The following ASAP1 variants were observed in gnomAD, a reference collection of about 807,000 sequenced individuals.
ASAP1 encodes the protein ArfGAP with SH3 domain, ankyrin repeat and PH domain 1.
Under a neutral mutation model 145.2 loss-of-function variants are expected in ASAP1, and 43 were observed. The ratio of observed to expected loss-of-function variants is 0.30; its 90% CI spans 0.23 to 0.38. The LOEUF (loss-of-function observed/expected upper bound fraction) is 0.38, where lower values mean the gene tolerates loss of function less well. ASAP1 is among the 10% of genes least tolerant of loss of function. ASAP1 has a pLI of 1.00. For synonymous variants in ASAP1, 546 were observed against 515.5 expected (o/e 1.06, Z -0.80); for missense variants, 1,018 against 1,355.3 (o/e 0.75, Z 3.91).
intron 4 of ASAP1, among the ~76,000 whole-genome samples, chr8:130,222,707 A>G (rs1817364100): frequency 6.6e-6 from 1 of 152,236 alleles, no homozygotes; most frequent in Non-Finnish European, 1.5e-5. Context: ...ATTTGCAATC[A>G]CAAGTTTTGA....
intron 3 of ASAP1, among the ~76,000 whole-genome samples, chr8:130,338,878 A>T (rs778855107): frequency 3.3e-5 from 5 of 152,212 alleles, no homozygotes; most frequent in Non-Finnish European, 5.9e-5. Context: ...TTTCCCCCAG[A>T]GCAGCAGTTG....
intron 1 of ASAP1, among the ~76,000 whole-genome samples, chr8:130,432,158 A>T (rs1357703319): frequency 2.2e-5 from 1 of 46,078 alleles, no homozygotes; most frequent in Admixed American, 2.9e-4. Flanking sequence ...AGGCAGGAGG[A>T]GGGGAGGAGG....
intron 13 of ASAP1, among the ~76,000 whole-genome samples, chr8:130,148,735 ATAC>A (rs1382781730): frequency 6.6e-6 from 1 of 152,264 alleles, no homozygotes; most frequent in African/African-American, 2.4e-5. Flanking sequence ...ATATTTATTT[ATAC>A]TACAATACTT....
intron 3 of ASAP1, among the ~76,000 whole-genome samples, chr8:130,350,649 C>T (rs983303280): frequency 5.3e-5 from 8 of 152,218 alleles, no homozygotes; most frequent in African/African-American, 1.9e-4. Flanking sequence ...AATTTTTCCA[C>T]AAAGTGGCTA....
intron 6 of ASAP1, 97 bp downstream of exon 6, chr8:130,188,012 G>A: frequency 1.2e-6 from 1 of 865,372 alleles, no homozygotes; most frequent in Admixed American, 2.2e-5. Context: ...AATGTTCAAA[G>A]AGTCTTTCAA....
chr8:130,254,323 C>T (rs1203615533), intron 3 of ASAP1, among the ~76,000 whole-genome samples: 2 of 152,074 alleles, frequency 1.3e-5, no homozygotes, highest in African/African-American at 2.4e-5. Context: ...TTAAAATTCA[C>T]GGCACTTAAA....
intron 27 of ASAP1, among the ~76,000 whole-genome samples, chr8:130,072,787 A>G (rs2097449848): frequency 2.8e-5 from 1 of 35,990 alleles, no homozygotes. Context: ...TGGACTTGCA[A>G]TTGATATGTG....
At chr8:130,077,714 A>G (rs2097466579) in intron 26 of ASAP1, among the ~76,000 whole-genome samples, 1 of 152,026 alleles carries the variant, frequency 6.6e-6, no homozygotes, top group African/African-American at 2.4e-5. Context: ...AACAAAACAA[A>G]AAGTAGTCAA....
chr8:130,100,492 G>A (rs2097526894), intron 24 of ASAP1, among the ~76,000 whole-genome samples: 1 of 152,010 alleles, frequency 6.6e-6, no homozygotes, highest in Admixed American at 6.5e-5. Context: ...ACCACACCCA[G>A]CTAATTTTGT....
rs1036511119 is a variant in ASAP1 at position 130,377,740 on chromosome 8, T to C, written c.60-19597A>G. Among the ~76,000 whole-genome samples the C allele has an allele frequency of 1.4e-4, 21 of 151,886 alleles. 1 individual carries two copies. In the East Asian group the frequency reaches 2.9e-3, roughly 21 times the overall value. On this transcript the variant is annotated intron_variant, in intron 2 of 29. Transcript: ENST00000518721. ...CCAGCAGAAAGTCAGAGGAGGGGAG[T>C]GCTCCCCTGCTCTCCAGGCTCCAGC...
intron 13 of ASAP1, among the ~76,000 whole-genome samples, chr8:130,149,668 A>G (rs911345354): frequency 1.3e-5 from 2 of 152,236 alleles, no homozygotes; most frequent in Non-Finnish European, 2.9e-5. Context: ...GTTTTCTGAC[A>G]ACAAAAGCTC....
chr8:130,418,309 G>C (rs182656207), intron 1 of ASAP1, among the ~76,000 whole-genome samples: 32 of 152,272 alleles, frequency 2.1e-4, no homozygotes, highest in African/African-American at 7.2e-4. Context: ...CAGCACTTTG[G>C]GAGGGCCAGG....
Position 130,305,449 on chromosome 8 carries a change from C to T in ASAP1, c.186+52568G>A, listed in dbSNP as rs571382144. On this transcript the variant is annotated intron_variant, in intron 3 of 29. Coordinates refer to ENST00000518721, the MANE Select transcript of ASAP1 (RefSeq NM_018482.4). ...GCAAGCTTCAGCTCACCACAACCTC[C>T]GCCTCCCGGGTTCAAGCGATTCTCT... Among the ~76,000 whole-genome samples the T allele has an allele frequency of 8.5e-5, 13 of 152,294 alleles. No homozygotes were observed. The South Asian group carries it at 2.3e-3, about 27-fold the overall frequency.
At chr8:130,276,128 C>G (rs76216356) in intron 3 of ASAP1, among the ~76,000 whole-genome samples, 4 of 152,130 alleles carry the variant, frequency 2.6e-5, no homozygotes, top group African/African-American at 9.7e-5. Flanking sequence ...AAGAACCCTG[C>G]GGGCCTGACC....
chr8:130,340,882 T>G, intron 3 of ASAP1: 1 of 456,178 alleles, frequency 2.2e-6, no homozygotes, highest in Non-Finnish European at 4.4e-6. Context: ...TTCTTGAGGC[T>G]GACCAATCAT....
chr8:130,160,989 G>A (rs1356516190), intron 11 of ASAP1, among the ~76,000 whole-genome samples: 1 of 152,198 alleles, frequency 6.6e-6, no homozygotes, highest in Admixed American at 6.5e-5. Context: ...ACAATCAAAT[G>A]TCTGTATTTA....
chr8:130,404,596 C>T (rs1828942880), intron 1 of ASAP1, among the ~76,000 whole-genome samples: 1 of 152,200 alleles, frequency 6.6e-6, no homozygotes, highest in Non-Finnish European at 1.5e-5. Flanking sequence ...GTTTATTATT[C>T]TTTTGCTTTC....
intron 3 of ASAP1, among the ~76,000 whole-genome samples, chr8:130,312,613 C>T (rs1479150578): frequency 6.6e-6 from 1 of 152,182 alleles, no homozygotes; most frequent in Non-Finnish European, 1.5e-5. Context: ...CCAACCATTA[C>T]AGGTGGGTAC....
At chr8:130,061,804 C>T (rs1025536349) in intron 27 of ASAP1, among the ~76,000 whole-genome samples, 4 of 152,178 alleles carry the variant, frequency 2.6e-5, no homozygotes, top group African/African-American at 7.2e-5. Flanking sequence ...CTTTTTTATT[C>T]TGTTTAATGG....
Sources: allele counts gnomAD v4.1 joint callset (sites outside exome capture counted in the v4.1 genomes callset), GRCh38; gene constraint gnomAD v4.1.1; transcripts MANE v1.5; gene names NCBI Gene and HGNC (gene_info 2026-07-23, HGNC 2026-07-21).